Variants in CAST observed in about 807,000 individuals in gnomAD.
CAST encodes MIR583 host.
In CAST, 76 loss-of-function variants were observed where a neutral mutation model predicts 119.6. That is an observed-to-expected ratio of 0.64 (90% confidence interval 0.53 to 0.77). The LOEUF is 0.77. Among genes scored for constraint, CAST ranks in the 30% least tolerant of loss-of-function variants. CAST has a pLI of 0.00. For synonymous variants in CAST, 319 were observed against 331.6 expected (o/e 0.96, Z 0.41); for missense variants, 953 against 946.5 (o/e 1.01, Z -0.09).
the CAST span, among the ~76,000 whole-genome samples, chr5:95,963,725 C>T: frequency 1.5e-4 from 20 of 129,970 alleles, no homozygotes; most frequent in Non-Finnish European, 1.9e-4. Context: ...TTCTCTCTCT[C>T]TTTTTTTTTT....
At chr5:96,730,737 A>C in intron 8 of CAST, 43 bp from the exon 9 acceptor site, 2 of 1,380,792 alleles carry the variant, frequency 1.4e-6, no homozygotes, top group Non-Finnish European at 2.1e-6. Flanking sequence ...ATAGCCATGC[A>C]GAGATACTTA....
the CAST span, among the ~76,000 whole-genome samples, chr5:96,202,354 A>G: frequency 1.3e-5 from 2 of 152,124 alleles, no homozygotes; most frequent in Admixed American, 1.3e-4. Context: ...AAAATAAAAT[A>G]ACAATGAATA....
chr5:96,633,857 C>G (rs1747852529), intron 1 of CAST, among the ~76,000 whole-genome samples: 1 of 152,224 alleles, frequency 6.6e-6, no homozygotes, highest in African/African-American at 2.4e-5. Context: ...ATCAGTCGTT[C>G]TGAGAGATGG....
chr5:96,719,813 C>T (rs1757901094), intron 3 of CAST, among the ~76,000 whole-genome samples: 1 of 152,196 alleles, frequency 6.6e-6, no homozygotes, highest in South Asian at 2.1e-4. Flanking sequence ...GATGGCCAAG[C>T]TCCCAGGCCT....
At chr5:96,707,789 T>G (rs752340611) in intron 3 of CAST, among the ~76,000 whole-genome samples, 9 of 152,176 alleles carry the variant, frequency 5.9e-5, no homozygotes, top group Non-Finnish European at 1.0e-4. Context: ...AGCTCTATAA[T>G]GGACTGAGGT....
intron 1 of CAST, among the ~76,000 whole-genome samples, chr5:96,627,274 A>G (rs1747741131): frequency 6.6e-6 from 1 of 152,136 alleles, no homozygotes; most frequent in Non-Finnish European, 1.5e-5. Flanking sequence ...TGCTTTGCCT[A>G]CTCTAGAGGG....
chr5:96,035,309 TA>T, the CAST span, among the ~76,000 whole-genome samples: 2,208 of 150,996 alleles, frequency 0.015, 15 homozygotes, highest in Non-Finnish European at 0.02. Flanking sequence ...ATTGATATAG[TA>T]AAAATATAGC....
the CAST span, among the ~76,000 whole-genome samples, chr5:96,102,117 A>G: frequency 2.0e-5 from 3 of 152,086 alleles, no homozygotes; most frequent in Non-Finnish European, 4.4e-5. Context: ...GCCCTCCTCC[A>G]GGGAGGGCAA....
At chr5:96,027,590 A>G in the CAST span, among the ~76,000 whole-genome samples, 1 of 152,134 alleles carries the variant, frequency 6.6e-6, no homozygotes, top group South Asian at 2.1e-4. Context: ...AACAATGTGG[A>G]AACAATGTAA....
chr5:96,765,906 G>A (rs1769770296), intron 26 of CAST, 147 bp from the exon 27 acceptor site: 1 of 564,478 alleles, frequency 1.8e-6, no homozygotes, highest in East Asian at 3.0e-5. Flanking sequence ...GAAGTCATCT[G>A]TGTTGTTCTG....
At chr5:96,680,354 C>CAAAAAAAAAAAAAAA (rs71617135) in intron 2 of CAST, among the ~76,000 whole-genome samples, 7 of 29,262 alleles carry the variant, frequency 2.4e-4, no homozygotes, top group African/African-American at 4.5e-4. Flanking sequence ...GACTCTGTCT[C>CAAAAAAAAAAAAAAA]AAAAAAAAAA....
chr5:96,542,268 G>A (rs1745927444), intron 1 of CAST, among the ~76,000 whole-genome samples: 1 of 147,498 alleles, frequency 6.8e-6, no homozygotes, highest in Non-Finnish European at 1.5e-5. Context: ...CCGAGATCGC[G>A]CCACTGCACT....
the CAST span, among the ~76,000 whole-genome samples, chr5:96,091,480 C>G: frequency 6.9e-6 from 1 of 145,602 alleles, no homozygotes; most frequent in Non-Finnish European, 1.5e-5. Context: ...GCTGGAATTA[C>G]AGGCATGAGC....
chr5:96,336,436 G>C, the CAST span, among the ~76,000 whole-genome samples: 1 of 152,226 alleles, frequency 6.6e-6, no homozygotes. Context: ...CTCCAACGCA[G>C]CCAAAAATTG....
At chr5:96,213,325 G>A in the CAST span, 1 of 151,996 alleles carries the variant, frequency 6.6e-6, no homozygotes. Flanking sequence ...CTTGTAGACA[G>A]CAGGTAATTG....
the CAST span, among the ~76,000 whole-genome samples, chr5:96,258,034 A>C: frequency 6.6e-6 from 1 of 152,208 alleles, no homozygotes; most frequent in East Asian, 1.9e-4. Flanking sequence ...AGTATGCTGC[A>C]TAAGGATTCA....
chr5:96,521,817 T>G (rs988966376), upstream of CAST, among the ~76,000 whole-genome samples: 1 of 152,306 alleles, frequency 6.6e-6, no homozygotes, highest in South Asian at 2.1e-4. Flanking sequence ...AGCTCTTCAC[T>G]GTGCTATATA....
intron 1 of CAST, among the ~76,000 whole-genome samples, chr5:96,668,535 T>C (rs1200021073): frequency 1.3e-5 from 2 of 152,224 alleles, no homozygotes; most frequent in Non-Finnish European, 2.9e-5. Context: ...ATAATTTTAA[T>C]TGTGTTCTTA....
At chr5:96,397,324 AT>A in the CAST span, 5 of 1,611,662 alleles carry the variant, frequency 3.1e-6, no homozygotes, top group South Asian at 5.5e-5. Context: ...TCATCCTCTC[AT>A]TCACACTTAC....
Sources: allele counts gnomAD v4.1 joint callset (sites outside exome capture counted in the v4.1 genomes callset), GRCh38; gene constraint gnomAD v4.1.1; transcripts MANE v1.5; gene names NCBI Gene and HGNC (gene_info 2026-07-23, HGNC 2026-07-21).